Variants in POLA1 observed in about 807,000 individuals in gnomAD.
POLA1 encodes the protein DNA polymerase alpha 1, catalytic subunit.
A neutral mutation model predicts 124.0 loss-of-function variants in POLA1; 15 were observed. The observed-to-expected ratio is 0.12, with a 90% CI of 0.08 to 0.19. The LOEUF (loss-of-function observed/expected upper bound fraction) is 0.19. Among genes scored for constraint, POLA1 ranks in the 10% least tolerant of loss-of-function variants. POLA1 has a pLI of 1.00. For synonymous variants in POLA1, 408 were observed against 389.4 expected (o/e 1.05, Z -0.56); for missense variants, 886 against 1,103.4 (o/e 0.80, Z 2.79).
At chrX:24,977,236 G>A (rs1035952847) in intron 36 of POLA1, among the ~76,000 whole-genome samples, 17 of 112,169 alleles carry the variant, frequency 1.5e-4, no homozygotes, top group African/African-American at 5.5e-4. Context: ...GTACTTGGCA[G>A]ATGAAGCTTT....
chrX:24,726,300 G>A (rs1252439481), intron 13 of POLA1, among the ~76,000 whole-genome samples: 1 of 112,012 alleles, frequency 8.9e-6, no homozygotes, highest in East Asian at 2.8e-4. Flanking sequence ...GAAACAGCAC[G>A]ACTGTTTGTC....
chrX:24,921,959 G>A (rs892834000), intron 35 of POLA1, among the ~76,000 whole-genome samples: 1 of 108,147 alleles, frequency 9.2e-6, no homozygotes, highest in Non-Finnish European at 1.9e-5. Context: ...ACAAGATAAT[G>A]TGCCAGGGAA....
At chrX:24,877,469 A>G (rs2046949730) in intron 34 of POLA1, among the ~76,000 whole-genome samples, 1 of 111,744 alleles carries the variant, frequency 8.9e-6, no homozygotes, top group Non-Finnish European at 1.9e-5. Context: ...CTCTTACTGG[A>G]CAATCTCTGA....
chrX:24,825,178 T>G (rs1182510814), intron 31 of POLA1, among the ~76,000 whole-genome samples: 1 of 112,714 alleles, frequency 8.9e-6, no homozygotes, highest in African/African-American at 3.2e-5. Context: ...GAATTAAACT[T>G]GATTAATTAT....
chrX:24,723,049 A>C lies in POLA1; in HGVS notation c.1088-106A>C, dbSNP rs189941104. 1.0e-3 allele frequency: 575 copies of C among 559,393 alleles called. 2 individuals carry two copies. The African/African-American group carries it at 0.012, about 12-fold the overall frequency. 46.1% of individuals were successfully genotyped at this position (559,393 alleles called of 1,213,427 possible). A position where few individuals can be genotyped will look rare whatever the true frequency, so the allele number is the denominator to read the frequency against. On this transcript the variant is annotated intron_variant, in intron 10 of 36. Coordinates refer to ENST00000379068, the MANE Select transcript of POLA1 (RefSeq NM_001330360.2). The stretch of plus-strand genomic sequence containing the variant: ...ATATTTGCTGTCAAAATGAGTTATC[A>C]TGAAGGTATAAATGTGTGGACACAT...
intron 35 of POLA1, among the ~76,000 whole-genome samples, chrX:24,889,017 A>G (rs1211658967): frequency 9.1e-6 from 1 of 110,382 alleles, no homozygotes; most frequent in Non-Finnish European, 1.9e-5. Context: ...CTACAGGCGT[A>G]TGCCACCACA....
At chrX:24,921,556 C>T (rs2047615934) in intron 35 of POLA1, among the ~76,000 whole-genome samples, 1 of 111,918 alleles carries the variant, frequency 8.9e-6, no homozygotes, top group East Asian at 2.8e-4. Flanking sequence ...ACAGTGCCTT[C>T]GCATGTAGTA....
At position 24,841,826 on chromosome X, in the gene POLA1, G is replaced by A. The variant is rs752921429; in HGVS notation, c.3911G>A (p.Gly1304Asp). The change falls in exon 33 of 37, where the codon GGT (glycine) becomes GAT (aspartate). Residue 1304 changes from glycine to aspartate, a missense_variant. Gly to Asp is a moderately conservative substitution (Grantham distance 94). Coordinates refer to ENST00000379068, the MANE Select transcript of POLA1 (RefSeq NM_001330360.2). ...TENIYDNVFDGSGTDMEPSLY... is the reference protein window; with the variant it reads ...TENIYDNVFDDSGTDMEPSLY... ...AATATTTATGATAATGTCTTTGATG[G>A]TTCGGTTAGTTGTTTCTGTCTTTCA... 4.2e-6 allele frequency: 5 copies of A among 1,187,247 alleles called. No individual in the cohort carries two copies. The Admixed American group carries it at 8.9e-5, about 21-fold the overall frequency.
chrX:24,789,076 G>A lies in POLA1; in HGVS notation c.2965-20822G>A, dbSNP rs754045314. 17 of 1,203,789 alleles carry A rather than the reference G, an allele frequency of 1.4e-5. No individual in the cohort carries two copies. The African/African-American group carries it at 1.9e-4, about 14-fold the overall frequency. Reference sequence around the variant, plus strand: ...TCAGGTCTCTGAAACCCATGGTGTCGGCTGTATCCGAGAGCTGGGGAGCAG... The same window carrying A: ...TCAGGTCTCTGAAACCCATGGTGTCAGCTGTATCCGAGAGCTGGGGAGCAG... On this transcript the variant is annotated intron_variant, in intron 26 of 36. Coordinates refer to ENST00000379068, the MANE Select transcript of POLA1 (RefSeq NM_001330360.2).
intron 35 of POLA1, among the ~76,000 whole-genome samples, chrX:24,929,937 A>C (rs1304826053): frequency 8.9e-6 from 1 of 111,998 alleles, no homozygotes; most frequent in Admixed American, 9.5e-5. Context: ...CCCACTTAGG[A>C]TTACCACAGA....
In POLA1 at chrX:24,841,768, T is replaced by C. The variant is rs763623198; in HGVS notation, c.3853T>C (p.Phe1285Leu). The C allele has an allele frequency of 1.7e-6, 2 of 1,199,461 alleles. No individual in the cohort carries two copies. Residue 1285 changes from phenylalanine to leucine, a missense_variant, in exon 33 of 37, where the codon TTC becomes CTC. Physicochemically the swap from Phe to Leu is conservative, Grantham distance 22. Transcript: ENST00000379068. The part of the protein sequence containing the change: ...DEEKYRDCER[F>L]KCPCPTCGTE... ...AGAGAAATACAGGGACTGTGAAAGA[T>C]TCAAATGTCCATGCCCTACATGTGG...
intron 26 of POLA1, among the ~76,000 whole-genome samples, chrX:24,774,999 A>G (rs376888267): frequency 1.2e-4 from 14 of 112,289 alleles, no homozygotes; most frequent in African/African-American, 4.5e-4. Flanking sequence ...AAACAGATAT[A>G]ATCACACCAT....
At chrX:24,975,257 G>A (rs1030990315) in intron 36 of POLA1, among the ~76,000 whole-genome samples, 35 of 112,315 alleles carry the variant, frequency 3.1e-4, no homozygotes, top group African/African-American at 1.1e-3. Flanking sequence ...TGATCCATCC[G>A]CCTTGGCCTC....
intron 33 of POLA1, among the ~76,000 whole-genome samples, chrX:24,842,423 C>T (rs1211084386): frequency 1.8e-5 from 2 of 112,180 alleles, no homozygotes; most frequent in Non-Finnish European, 3.8e-5. Context: ...ACTTGATTTC[C>T]ACTGCAGTGT....
At chrX:24,748,256 A>C in intron 24 of POLA1, 55 bp from the exon 25 acceptor site, 1 of 939,118 alleles carries the variant, frequency 1.1e-6, no homozygotes. Context: ...ATATTACTGT[A>C]GAAATTTATT....
At chrX:24,825,847 T>TCTA (rs201756658) in intron 31 of POLA1, among the ~76,000 whole-genome samples, 1,254 of 111,488 alleles carry the variant, frequency 0.011, 19 homozygotes, top group African/African-American at 0.039. Flanking sequence ...CATTTTTACT[T>TCTA]CTTACTGTAT....
intron 34 of POLA1, among the ~76,000 whole-genome samples, chrX:24,861,111 T>C (rs1601813431): frequency 8.9e-6 from 1 of 112,318 alleles, no homozygotes; most frequent in East Asian, 2.8e-4. Flanking sequence ...TACTCAGTTG[T>C]TGTATTTTTT....
intron 26 of POLA1, among the ~76,000 whole-genome samples, chrX:24,769,709 T>C (rs770910238): frequency 1.8e-5 from 2 of 111,431 alleles, no homozygotes; most frequent in Non-Finnish European, 3.8e-5. Flanking sequence ...TAGATTCAGA[T>C]TGAAGTGCAC....
intron 26 of POLA1, among the ~76,000 whole-genome samples, chrX:24,809,660 T>G (rs751248876): frequency 1.3e-4 from 14 of 111,426 alleles, no homozygotes; most frequent in Non-Finnish European, 2.4e-4. Flanking sequence ...TTATTGTGTG[T>G]GTGTTAAACA....
Sources: allele counts gnomAD v4.1 joint callset (sites outside exome capture counted in the v4.1 genomes callset), GRCh38; gene constraint gnomAD v4.1.1; transcripts MANE v1.5; gene names NCBI Gene and HGNC (gene_info 2026-07-23, HGNC 2026-07-21).